The following SLC35F3 variants were observed in gnomAD, a reference collection of about 807,000 sequenced individuals.
The protein encoded by SLC35F3 is solute carrier family 35 member F3, also known as putative thiamine transporter SLC35F3.
In SLC35F3, 25 loss-of-function variants were observed where a neutral mutation model predicts 49.9. The ratio of observed to expected loss-of-function variants is 0.50; its 90% CI spans 0.37 to 0.70. The LOEUF is 0.70. Among genes scored for constraint, SLC35F3 ranks in the 30% least tolerant of loss-of-function variants. The pLI, the probability that SLC35F3 is intolerant of heterozygous loss-of-function variation, is 0.00. For missense variants in SLC35F3, 525 were observed against 639.8 expected (o/e 0.82, Z 1.94); for synonymous variants, 275 against 265.4 (o/e 1.04, Z -0.35).
At chr1:234,097,688 A>G (rs752202756) in intron 2 of SLC35F3, among the ~76,000 whole-genome samples, 5 of 152,226 alleles carry the variant, frequency 3.3e-5, no homozygotes, top group Non-Finnish European at 5.9e-5. Context: ...GGTAGAAGTG[A>G]TAAGACCTGG....
chr1:234,187,930 A>T (rs1572086925), intron 2 of SLC35F3, among the ~76,000 whole-genome samples: 1 of 152,032 alleles, frequency 6.6e-6, no homozygotes, highest in East Asian at 1.9e-4. Flanking sequence ...TGATGTGCAG[A>T]CTCAACAGGT....
At chr1:234,070,423 T>C (rs1664695965) in intron 2 of SLC35F3, among the ~76,000 whole-genome samples, 1 of 152,242 alleles carries the variant, frequency 6.6e-6, no homozygotes, top group Non-Finnish European at 1.5e-5. Context: ...TTCCTATACA[T>C]GGAGGAATTT....
intron 2 of SLC35F3, among the ~76,000 whole-genome samples, chr1:234,132,233 T>G (rs1199714060): frequency 6.6e-6 from 1 of 152,200 alleles, no homozygotes; most frequent in Admixed American, 6.5e-5. Context: ...TTCCTCATAT[T>G]ATATAACATC....
intron 2 of SLC35F3, among the ~76,000 whole-genome samples, chr1:233,929,289 A>G (rs1397101543): frequency 6.6e-6 from 1 of 152,194 alleles, no homozygotes; most frequent in Non-Finnish European, 1.5e-5. Flanking sequence ...ATTACCTTTT[A>G]TGTTCAATTA....
In SLC35F3 at chr1:234,214,464, T is replaced by C; in HGVS notation, c.284-16953T>C. 1 of 1,517,314 alleles carries C rather than the reference T, an allele frequency of 6.6e-7. No homozygotes were observed. The highest frequency in any genetic ancestry group is 8.8e-7 in the Non-Finnish European group (1 of 1,132,956). 94.0% of individuals were successfully genotyped at this position (1,517,314 alleles called of 1,614,324 possible). On this transcript the variant is annotated intron_variant, in intron 2 of 7. Coordinates refer to ENST00000366618, the MANE Select transcript of SLC35F3 (RefSeq NM_173508.4). This position sits in a 1 kb window ranked among gnomAD's most constrained non-coding sequence, Gnocchi z 8.0. Reference sequence around the variant, plus strand: ...CCAGCCGGCCCCAGGATGTAGGCGATCGGCGGCAGCGCTCCTGCAGGCGGC... The same window carrying C: ...CCAGCCGGCCCCAGGATGTAGGCGACCGGCGGCAGCGCTCCTGCAGGCGGC...
At chr1:233,962,162 G>T (rs192239125) in intron 2 of SLC35F3, among the ~76,000 whole-genome samples, 1 of 152,214 alleles carries the variant, frequency 6.6e-6, no homozygotes, top group East Asian at 1.9e-4. Context: ...ATTTTATTGT[G>T]GTGCATGTGC....
At chr1:234,230,148 C>T (rs1459825280) in intron 2 of SLC35F3, among the ~76,000 whole-genome samples, 3 of 152,202 alleles carry the variant, frequency 2.0e-5, no homozygotes, top group Non-Finnish European at 4.4e-5. Context: ...CAATAAAGTA[C>T]ATTATCTCTC....
intron 2 of SLC35F3, among the ~76,000 whole-genome samples, chr1:233,921,915 A>G (rs1662068518): frequency 6.7e-6 from 1 of 150,220 alleles, no homozygotes; most frequent in South Asian, 2.1e-4. Context: ...TCCTTGCGAT[A>G]GTTTGCTCAG....
chr1:234,276,187 T>C (rs1009149076), intron 3 of SLC35F3, among the ~76,000 whole-genome samples: 1 of 152,192 alleles, frequency 6.6e-6, no homozygotes, highest in African/African-American at 2.4e-5. Flanking sequence ...CAAATTCTCA[T>C]TATAGCCAGT....
chr1:234,097,609 C>T (rs1396827956), intron 2 of SLC35F3, among the ~76,000 whole-genome samples: 1 of 152,118 alleles, frequency 6.6e-6, no homozygotes, highest in Non-Finnish European at 1.5e-5. Flanking sequence ...ATACAAGTAG[C>T]CTCCCTCATC....
At chr1:234,265,167 C>T (rs1667961742) in intron 3 of SLC35F3, among the ~76,000 whole-genome samples, 1 of 152,184 alleles carries the variant, frequency 6.6e-6, no homozygotes, top group African/African-American at 2.4e-5. Flanking sequence ...GCCTGTTCAA[C>T]ACCTGCCCTC....
At chr1:233,968,939 T>C (rs1662945687) in intron 2 of SLC35F3, among the ~76,000 whole-genome samples, 1 of 152,174 alleles carries the variant, frequency 6.6e-6, no homozygotes, top group African/African-American at 2.4e-5. Flanking sequence ...GTTCCTGCAT[T>C]AATTTGCATT....
At chr1:234,021,584 C>T (rs1233330375) in intron 2 of SLC35F3, among the ~76,000 whole-genome samples, 1 of 152,214 alleles carries the variant, frequency 6.6e-6, no homozygotes, top group Non-Finnish European at 1.5e-5. Flanking sequence ...ATCACCATTA[C>T]ATCACCCAAA....
chr1:233,939,263 G>A (rs961254653), intron 2 of SLC35F3, among the ~76,000 whole-genome samples: 2 of 152,110 alleles, frequency 1.3e-5, no homozygotes, highest in Non-Finnish European at 2.9e-5. Context: ...ACCAGCCTGG[G>A]CAACAAAACA....
intron 3 of SLC35F3, among the ~76,000 whole-genome samples, chr1:234,295,671 G>C (rs1237498564): frequency 6.6e-6 from 1 of 152,186 alleles, no homozygotes; most frequent in Admixed American, 6.5e-5. Flanking sequence ...TGCTTTTCTT[G>C]TTAAACAATT....
chr1:233,994,683 A>G (rs777660716), intron 2 of SLC35F3, among the ~76,000 whole-genome samples: 52 of 152,312 alleles, frequency 3.4e-4, no homozygotes, highest in Admixed American at 1.6e-3. Context: ...TTCCTGGTAT[A>G]AAAGTATTTT....
Position 234,323,593 on chromosome 1 carries a change from T to G in SLC35F3, c.*350T>G, listed in dbSNP as rs1318891486. The G allele has an allele frequency of 3.3e-6, 1 of 301,844 alleles. No individual in the cohort carries two copies. Among genetic ancestry groups the G allele is most frequent in the African/African-American group, 2.1e-5 (1 of 46,870 alleles). 18.7% of individuals were successfully genotyped at this position (301,844 alleles called of 1,614,324 possible). ...AGCAAGTGTTTTGAATCTTAGCAACTGAACATGACATTGCACACTGTGATT... is the reference window on the plus strand; with the variant it reads ...AGCAAGTGTTTTGAATCTTAGCAACGGAACATGACATTGCACACTGTGATT... On this transcript the variant is annotated 3_prime_UTR_variant, in exon 8 of 8. Coordinates refer to ENST00000366618, the MANE Select transcript of SLC35F3 (RefSeq NM_173508.4). The surrounding 1 kb of genome is among the most constrained non-coding windows in gnomAD (Gnocchi z 4.5).
chr1:233,963,272 G>A (rs1662834960), intron 2 of SLC35F3, among the ~76,000 whole-genome samples: 1 of 151,826 alleles, frequency 6.6e-6, no homozygotes, highest in Admixed American at 6.6e-5. Flanking sequence ...TTTGGGGCAG[G>A]TCATAGCTTT....
chr1:234,151,188 G>A (rs1304307813), intron 2 of SLC35F3, among the ~76,000 whole-genome samples: 1 of 151,642 alleles, frequency 6.6e-6, no homozygotes, highest in Non-Finnish European at 1.5e-5. Context: ...ATAAATTCCA[G>A]ACCAAAGCCA....
Sources: gnomAD v4.1 joint callset for allele counts (sites outside exome capture counted in the v4.1 genomes callset) on GRCh38, gnomAD v4.1.1 for gene constraint, Gnocchi (gnomAD v3.1) non-coding constraint, MANE v1.5 for transcripts, NCBI Gene and HGNC (gene_info 2026-07-23, HGNC 2026-07-21) for gene names.